Variants in LRP11 observed in about 807,000 individuals in gnomAD.
The protein encoded by LRP11 is low-density lipoprotein receptor-related protein 11.
In LRP11, 25 loss-of-function variants were observed where a neutral mutation model predicts 43.1. The observed-to-expected ratio is 0.58, with a 90% confidence interval of 0.42 to 0.81. The LOEUF (loss-of-function observed/expected upper bound fraction) is 0.81. Among genes scored for constraint, LRP11 ranks in the 30% least tolerant of loss-of-function variants. The probability of loss-of-function intolerance (pLI) is 0.00; values close to 1 mark genes in which losing one functional copy is unlikely to be tolerated. For missense variants in LRP11, 623 were observed against 665.1 expected (o/e 0.94, Z 0.70); for synonymous variants, 316 against 299.4 (o/e 1.06, Z -0.57).
intron 3 of LRP11, among the ~76,000 whole-genome samples, chr6:149,841,861 G>A (rs60640690): frequency 0.04 from 6,099 of 151,988 alleles, 280 homozygotes; most frequent in African/African-American, 0.11. Context: ...GCAGTGAGCC[G>A]AGACTGCACC....
intron 5 of LRP11, among the ~76,000 whole-genome samples, chr6:149,828,344 A>ACAGAC (rs1776367453): frequency 6.6e-6 from 1 of 152,174 alleles, no homozygotes; most frequent in Non-Finnish European, 1.5e-5. Flanking sequence ...CTGCTAGTAG[A>ACAGAC]CAGACCAGAG....
At chr6:149,854,907 G>A (rs550085397) in intron 1 of LRP11, among the ~76,000 whole-genome samples, 148 of 152,280 alleles carry the variant, frequency 9.7e-4, no homozygotes, top group African/African-American at 2.7e-3. Context: ...GTCTCATTAC[G>A]GAACAAAAGG....
At chr6:149,826,078 T>C (rs917549828) in intron 6 of LRP11, 186 bp downstream of exon 6, 9 of 590,648 alleles carry the variant, frequency 1.5e-5, no homozygotes, top group Non-Finnish European at 2.2e-5. Context: ...GGTCCAAAGA[T>C]GGAAGGTTAC....
intron 5 of LRP11, among the ~76,000 whole-genome samples, chr6:149,835,106 AAAT>A (rs1333600459): frequency 1.3e-5 from 2 of 152,208 alleles, no homozygotes; most frequent in Non-Finnish European, 2.9e-5. Context: ...ATAATCATGC[AAAT>A]AATAAGTGTG....
chr6:149,830,851 G>C (rs540504756), intron 5 of LRP11, among the ~76,000 whole-genome samples: 1 of 152,298 alleles, frequency 6.6e-6, no homozygotes, highest in East Asian at 1.9e-4. Context: ...CCAGACTCTA[G>C]GATTACCCAG....
intron 3 of LRP11, among the ~76,000 whole-genome samples, chr6:149,839,306 A>G (rs907389483): frequency 9.2e-5 from 14 of 152,234 alleles, no homozygotes; most frequent in African/African-American, 3.1e-4. Flanking sequence ...GAAGTTAAAG[A>G]AAATAAATGG....
chr6:149,846,552 G>C, intron 2 of LRP11, among the ~76,000 whole-genome samples: 1 of 152,172 alleles, frequency 6.6e-6, no homozygotes, highest in East Asian at 1.9e-4. Flanking sequence ...TCGGAGCAGA[G>C]ATTTAGAAGG....
In LRP11 at chr6:149,820,639, G is replaced by T. The variant is rs1219451182; in HGVS notation, c.1413C>A (p.Cys471Ter). Residue 471 changes from cysteine (C) to a stop codon, truncating the protein, a stop_gained, in exon 7 of 7, where the codon TGC becomes TGA. Coordinates refer to ENST00000239367, the MANE Select transcript of LRP11 (RefSeq NM_032832.6). LOFTEE classifies it high-confidence loss of function. ...ITALLLLMVA[C>*]RLRLVKQKLK... ...GTTTCTGTTTCACCAGTCGTAGTCG[G>T]CATGCAACCATGAGAAGCAGCAGAG... 1 of 780,880 alleles carries T rather than the reference G, an allele frequency of 1.3e-6. No homozygotes were observed. Among genetic ancestry groups the T allele is most frequent in the Non-Finnish European group, 2.4e-6 (1 of 418,124 alleles). The allele number at this position is 780,880 out of a possible 1,614,324, so 48.4% of individuals were successfully genotyped here. A position where few individuals can be genotyped will look rare whatever the true frequency, so the allele number is the denominator to read the frequency against.
At chr6:149,858,379 CT>C (rs35559466) in intron 1 of LRP11, among the ~76,000 whole-genome samples, 1 of 152,102 alleles carries the variant, frequency 6.6e-6, no homozygotes, top group Non-Finnish European at 1.5e-5. Context: ...TGAACTCATC[CT>C]TTTTTTATGG....
At chr6:149,821,585 G>C (rs967694990) in intron 6 of LRP11, among the ~76,000 whole-genome samples, 4 of 152,180 alleles carry the variant, frequency 2.6e-5, no homozygotes, top group Non-Finnish European at 5.9e-5. Flanking sequence ...TTCCTGTGAG[G>C]TGGATTCTAG....
intron 6 of LRP11, among the ~76,000 whole-genome samples, chr6:149,825,897 C>T (rs1320952557): frequency 6.6e-6 from 1 of 152,210 alleles, no homozygotes; most frequent in Non-Finnish European, 1.5e-5. Context: ...GATCCTCCTG[C>T]CTTGGCCTCC....
At chr6:149,823,074 CA>C (rs58014762) in intron 6 of LRP11, among the ~76,000 whole-genome samples, 78,036 of 150,536 alleles carry the variant, frequency 0.52, 22,561 homozygotes, top group East Asian at 0.83. Flanking sequence ...AGCAGAGGAC[CA>C]AAAAAAAACA....
intron 6 of LRP11, among the ~76,000 whole-genome samples, chr6:149,821,503 C>A (rs752860190): frequency 6.6e-6 from 1 of 152,176 alleles, no homozygotes; most frequent in South Asian, 2.1e-4. Flanking sequence ...GTCAGTAGAA[C>A]CTTTGTTGAA....
intron 6 of LRP11, among the ~76,000 whole-genome samples, chr6:149,821,033 C>T (rs1489170980): frequency 6.7e-6 from 1 of 149,742 alleles, no homozygotes; most frequent in Non-Finnish European, 1.5e-5. Context: ...TGGGTTCAAG[C>T]GATTCCCCTG....
At chr6:149,828,307 C>A (rs952608871) in intron 5 of LRP11, among the ~76,000 whole-genome samples, 2 of 151,886 alleles carry the variant, frequency 1.3e-5, no homozygotes, top group Non-Finnish European at 2.9e-5. Context: ...TAAGACCATG[C>A]AGCTTTTTTA....
intron 2 of LRP11, among the ~76,000 whole-genome samples, chr6:149,847,267 T>C (rs868715792): frequency 1.8e-4 from 28 of 151,932 alleles, no homozygotes; most frequent in African/African-American, 6.0e-4. Flanking sequence ...TTGGCATGCT[T>C]CCCCCCTGCC....
intron 5 of LRP11, among the ~76,000 whole-genome samples, chr6:149,831,950 G>T (rs983567566): frequency 1.3e-5 from 2 of 151,906 alleles, no homozygotes; most frequent in African/African-American, 4.8e-5. Flanking sequence ...GGTGTGAGCT[G>T]CTGCACCCGA....
In LRP11 at chr6:149,863,507, C is replaced by G. The variant is rs867763037; in HGVS notation, c.514G>C (p.Val172Leu). The change falls in exon 1 of 7, where the codon GTC (valine) becomes CTC (leucine). Residue 172 changes from valine (V) to leucine (L), a missense_variant. Val to Leu is a conservative substitution (Grantham distance 32, BLOSUM62 1). Transcript: ENST00000239367. Reference sequence around the variant, plus strand: ...CCGCTGTGCAGCGCGAACTTGCAGACGTTGCGGCCGCGCGCCGTGCAGTTG... The same window carrying G: ...CCGCTGTGCAGCGCGAACTTGCAGAGGTTGCGGCCGCGCGCCGTGCAGTTG... Reference protein sequence around the residue: ...LFNCTARGRNVCKFALHSGYS... With the variant: ...LFNCTARGRNLCKFALHSGYS... The G allele has an allele frequency of 6.7e-6, 9 of 1,347,340 alleles. No homozygotes were observed. Among genetic ancestry groups the G allele is most frequent in the Non-Finnish European group, 5.7e-6 (6 of 1,058,744 alleles). The allele number at this position is 1,347,340 out of a possible 1,614,324, so 83.5% of individuals were successfully genotyped here.
chr6:149,832,916 C>T (rs1776427903), intron 5 of LRP11, among the ~76,000 whole-genome samples: 1 of 152,164 alleles, frequency 6.6e-6, no homozygotes, highest in Admixed American at 6.5e-5. Flanking sequence ...TCACGCCATT[C>T]TCCTGCCTCA....
Sources: allele counts gnomAD v4.1 joint callset (sites outside exome capture counted in the v4.1 genomes callset), GRCh38; gene constraint gnomAD v4.1.1; transcripts MANE v1.5; gene names NCBI Gene and HGNC (gene_info 2026-07-23, HGNC 2026-07-21).